JAM3: variants seen among roughly 807,000 people sequenced by gnomAD.
JAM3 encodes junctional adhesion molecule C.
Under a neutral mutation model 39.4 loss-of-function variants are expected in JAM3, and 31 were observed. That is an observed-to-expected ratio of 0.79 (90% CI 0.59 to 1.06). The LOEUF is 1.06. Ranked by LOEUF, JAM3 falls within the 50% of genes least tolerant of loss-of-function variation. The pLI, the probability that JAM3 is intolerant of heterozygous loss-of-function variation, is 0.00. For missense variants in JAM3, 455 were observed against 391.4 expected (o/e 1.16, Z -1.37); for synonymous variants, 182 against 148.7 (o/e 1.22, Z -1.63).
chr11:134,150,141 C>T lies in JAM3; in HGVS notation c.*960C>T, dbSNP rs1943171415. On this transcript the variant is annotated 3_prime_UTR_variant, in exon 9 of 9. Transcript: ENST00000299106. ...TCTCATGGAAGTTTACTGTGATGTT[C>T]CTTTTCTCACACAAGTTTTAGCCTT... The T allele has an allele frequency of 1.3e-5, 2 of 153,668 alleles. No homozygotes were observed. Among genetic ancestry groups the T allele is most frequent in the South Asian group, 4.1e-4 (2 of 4,910 alleles). 9.5% of individuals were successfully genotyped at this position (153,668 alleles called of 1,614,324 possible).
intron 4 of JAM3, 138 bp from the exon 5 acceptor site, chr11:134,144,654 A>G: frequency 1.1e-6 from 1 of 869,688 alleles, no homozygotes; most frequent in Non-Finnish European, 1.9e-6. Flanking sequence ...GTCAGTCTGC[A>G]GTTGTGATCC....
intron 1 of JAM3, among the ~76,000 whole-genome samples, chr11:134,093,052 A>G (rs1485883274): frequency 7.6e-5 from 10 of 132,310 alleles, no homozygotes; most frequent in East Asian, 2.7e-4. Flanking sequence ...CTCCTTATTC[A>G]TCATGTTCCA....
chr11:134,125,626 C>T (rs1175834980), intron 1 of JAM3, among the ~76,000 whole-genome samples: 1 of 152,190 alleles, frequency 6.6e-6, no homozygotes, highest in African/African-American at 2.4e-5. Context: ...GTGTAGTCAT[C>T]TTTCCATCGA....
Position 134,108,762 on chromosome 11 carries a change from C to G in JAM3, c.77-31089C>G, listed in dbSNP as rs551126368. Among the ~76,000 whole-genome samples, 7 of 152,108 alleles carry G rather than the reference C, an allele frequency of 4.6e-5. No homozygotes were observed. In the South Asian group the frequency reaches 1.5e-3, roughly 32 times the overall value. On this transcript the variant is annotated intron_variant, in intron 1 of 8. Transcript: ENST00000299106. ...CAACATCCATTTATGATAAAAAAAA[C>G]TTTTGGAATAGGAAGGAACTTCCTG...
rs1373698903 is a variant in JAM3 at position 134,151,741 on chromosome 11, C to A, written c.*2560C>A. 6.6e-6 allele frequency: 1 copy of A among 152,134 alleles called. No homozygotes were observed. Among genetic ancestry groups the A allele is most frequent in the Non-Finnish European group, 1.5e-5 (1 of 68,030 alleles). The allele number at this position is 152,134 out of a possible 1,614,324, so 9.4% of individuals were successfully genotyped here. On this transcript the variant is annotated 3_prime_UTR_variant, in exon 9 of 9. Coordinates refer to ENST00000299106, the MANE Select transcript of JAM3 (RefSeq NM_032801.5). ...TGTTTAACCTCATTTATAAAAGCTT[C>A]AAAAAAACCCAAACATTGCTTCATT...
intron 1 of JAM3, among the ~76,000 whole-genome samples, chr11:134,121,535 G>C (rs532576389): frequency 7.9e-5 from 12 of 151,784 alleles, no homozygotes; most frequent in Non-Finnish European, 1.8e-4. Flanking sequence ...TTCAGGGTTT[G>C]GTTTTAAATC....
At chr11:134,148,523 T>TCCA (rs1943121542) in intron 6 of JAM3, 24 bp from the exon 7 acceptor site, 2 of 1,614,020 alleles carry the variant, frequency 1.2e-6, no homozygotes, top group South Asian at 2.2e-5. Context: ...TATCATGGCT[T>TCCA]CCACCAAACC....
chr11:134,148,366 T>C (rs751698986), intron 6 of JAM3, 181 bp from the exon 7 acceptor site: 74 of 670,458 alleles, frequency 1.1e-4, no homozygotes, highest in South Asian at 1.0e-3. Context: ...TTAGGAGTTA[T>C]GGTGTCCTAT....
intron 1 of JAM3, among the ~76,000 whole-genome samples, chr11:134,110,886 A>G (rs1942296267): frequency 2.0e-5 from 3 of 151,906 alleles, no homozygotes; most frequent in Non-Finnish European, 2.9e-5. Context: ...CCAAAACCAA[A>G]AAATTGGGCT....
At chr11:134,074,537 G>C (rs970469354) in intron 1 of JAM3, among the ~76,000 whole-genome samples, 8 of 152,174 alleles carry the variant, frequency 5.3e-5, no homozygotes, top group Non-Finnish European at 1.2e-4. Context: ...ACTCATTTGA[G>C]AGATTAGTTG....
At chr11:134,095,273 A>C (rs577607954) in intron 1 of JAM3, among the ~76,000 whole-genome samples, 1 of 152,202 alleles carries the variant, frequency 6.6e-6, no homozygotes. Flanking sequence ...ATCTGTTTGC[A>C]TGTACTAATG....
chr11:134,085,069 G>T (rs1248305723), intron 1 of JAM3, among the ~76,000 whole-genome samples: 1 of 152,134 alleles, frequency 6.6e-6, no homozygotes, highest in African/African-American at 2.4e-5. Flanking sequence ...ACTCACCTAG[G>T]TTTGTAACAC....
At chr11:134,070,253 ACT>A (rs1396306718) in intron 1 of JAM3, 1 of 455,350 alleles carries the variant, frequency 2.2e-6, no homozygotes, top group African/African-American at 2.0e-5. Context: ...AGGACACCAC[ACT>A]CTTCCCCTGG....
intron 1 of JAM3, among the ~76,000 whole-genome samples, chr11:134,103,689 CA>C (rs569203032): frequency 6.6e-6 from 1 of 150,704 alleles, no homozygotes; most frequent in African/African-American, 2.4e-5. Flanking sequence ...AAGTGGAAAA[CA>C]AAAAAAAGGC....
chr11:134,139,567 G>A, intron 1 of JAM3: 1 of 434,322 alleles, frequency 2.3e-6, no homozygotes. Context: ...AATAGGAAAT[G>A]CTTAGACAAA....
At chr11:134,107,391 T>C (rs931180759) in intron 1 of JAM3, among the ~76,000 whole-genome samples, 3 of 151,752 alleles carry the variant, frequency 2.0e-5, no homozygotes, top group Admixed American at 1.3e-4. Flanking sequence ...AAATGACGAG[T>C]TAATGGGTGC....
chr11:134,092,935 A>T (rs1460497067), intron 1 of JAM3, among the ~76,000 whole-genome samples: 3 of 145,778 alleles, frequency 2.1e-5, no homozygotes, highest in African/African-American at 5.2e-5. Context: ...CTTATTCATC[A>T]TGTTCCATCT....
chr11:134,118,116 A>G (rs1942471237), intron 1 of JAM3, among the ~76,000 whole-genome samples: 1 of 152,166 alleles, frequency 6.6e-6, no homozygotes. Context: ...TATTAGGGAT[A>G]ATGTATTTCC....
At chr11:134,089,223 C>T (rs1941798921) in intron 1 of JAM3, among the ~76,000 whole-genome samples, 1 of 152,160 alleles carries the variant, frequency 6.6e-6, no homozygotes, top group South Asian at 2.1e-4. Context: ...AAGGCAAATT[C>T]TGCACACATA....
Sources: gnomAD v4.1 joint callset for allele counts (sites outside exome capture counted in the v4.1 genomes callset) on GRCh38, gnomAD v4.1.1 for gene constraint, MANE v1.5 for transcripts, NCBI Gene and HGNC (gene_info 2026-07-23, HGNC 2026-07-21) for gene names.